The following CNTN5 variants were observed in gnomAD, a reference collection of about 807,000 sequenced individuals.
CNTN5 encodes contactin-5.
A neutral mutation model predicts 129.1 loss-of-function variants in CNTN5; 77 were observed. The observed-to-expected ratio is 0.60, with a 90% CI of 0.50 to 0.72. The LOEUF (loss-of-function observed/expected upper bound fraction) is 0.72, where lower values mean the gene tolerates loss of function less well. CNTN5 is among the 30% of genes least tolerant of loss of function. The probability of loss-of-function intolerance (pLI) is 0.00; values close to 1 mark genes in which losing one functional copy is unlikely to be tolerated. For missense variants in CNTN5, 1,478 were observed against 1,328.8 expected, an observed-to-expected ratio of 1.11 and a Z score of -1.75; for synonymous variants, 509 against 465.6, an observed-to-expected ratio of 1.09 and a Z score of -1.20.
At chr11:99,465,497 C>G (rs1430633938) in intron 2 of CNTN5, among the ~76,000 whole-genome samples, 1 of 151,852 alleles carries the variant, frequency 6.6e-6, no homozygotes, top group Non-Finnish European at 1.5e-5. Flanking sequence ...ATTATAACAT[C>G]ATTTCTAGAA....
intron 1 of CNTN5, among the ~76,000 whole-genome samples, chr11:99,316,292 T>G (rs771561558): frequency 2.0e-5 from 3 of 152,124 alleles, no homozygotes; most frequent in Non-Finnish European, 4.4e-5. Flanking sequence ...TCGAGTCCCA[T>G]CCCTCGAAAA....
chr11:99,705,062 A>T (rs535684294), intron 3 of CNTN5, among the ~76,000 whole-genome samples: 1 of 151,490 alleles, frequency 6.6e-6, no homozygotes, highest in Admixed American at 6.6e-5. Context: ...ACAACAAAAA[A>T]TTAGCTGTAT....
chr11:99,326,215 C>T (rs1865781680), intron 2 of CNTN5, among the ~76,000 whole-genome samples: 1 of 152,190 alleles, frequency 6.6e-6, no homozygotes, highest in Non-Finnish European at 1.5e-5. Context: ...TGAATTAAAT[C>T]CATTGTGTGC....
intron 2 of CNTN5, among the ~76,000 whole-genome samples, chr11:99,467,644 C>T (rs1279334469): frequency 6.6e-6 from 1 of 152,072 alleles, no homozygotes; most frequent in Non-Finnish European, 1.5e-5. Context: ...AAAAAGAGAG[C>T]CCCACAACAC....
chr11:99,611,146 T>C (rs186659974), intron 3 of CNTN5, among the ~76,000 whole-genome samples: 28 of 152,328 alleles, frequency 1.8e-4, no homozygotes, highest in African/African-American at 5.5e-4. Context: ...CATTTTCCTA[T>C]AGATGCTGCT....
intron 3 of CNTN5, among the ~76,000 whole-genome samples, chr11:99,575,843 C>T (rs1949329968): frequency 6.6e-6 from 1 of 152,116 alleles, no homozygotes; most frequent in African/African-American, 2.4e-5. Context: ...GGGAGAAGAG[C>T]ACCAGCATAA....
chr11:99,106,333 T>C (rs906598329), intron 1 of CNTN5, among the ~76,000 whole-genome samples: 20 of 152,208 alleles, frequency 1.3e-4, no homozygotes, highest in Non-Finnish European at 1.8e-4. Context: ...CTCAAACATA[T>C]GCTTAAGTAC....
intron 16 of CNTN5, chr11:100,225,094 G>C (rs972695548): frequency 1.9e-5 from 4 of 207,662 alleles, no homozygotes; most frequent in Non-Finnish European, 2.9e-5. Flanking sequence ...AATCTAAACA[G>C]TTGAGCTACT....
intron 1 of CNTN5, among the ~76,000 whole-genome samples, chr11:99,044,201 A>AAT (rs1435403759): frequency 6.6e-6 from 1 of 152,188 alleles, no homozygotes; most frequent in African/African-American, 2.4e-5. Flanking sequence ...CTGGGACAAG[A>AAT]ATATATATAG....
intron 1 of CNTN5, among the ~76,000 whole-genome samples, chr11:99,224,338 C>T (rs1860562174): frequency 6.6e-6 from 1 of 152,092 alleles, no homozygotes; most frequent in Non-Finnish European, 1.5e-5. Flanking sequence ...TTCAGCATTG[C>T]CACTACTGTT....
At chr11:99,776,006 G>T (rs1304304714) in intron 3 of CNTN5, among the ~76,000 whole-genome samples, 1 of 152,008 alleles carries the variant, frequency 6.6e-6, no homozygotes, top group African/African-American at 2.4e-5. Context: ...TCTTTTCATA[G>T]AATTTATATT....
At chr11:99,024,465 A>C (rs1184753277) in intron 1 of CNTN5, among the ~76,000 whole-genome samples, 1 of 152,104 alleles carries the variant, frequency 6.6e-6, no homozygotes, top group Non-Finnish European at 1.5e-5. Flanking sequence ...AATTATTTTG[A>C]AGTATTGAAT....
chr11:99,314,017 G>A (rs1865227908), intron 1 of CNTN5, among the ~76,000 whole-genome samples: 1 of 151,990 alleles, frequency 6.6e-6, no homozygotes, highest in Non-Finnish European at 1.5e-5. Flanking sequence ...GTTCAAACCT[G>A]AGATTTAAAC....
Position 99,960,765 on chromosome 11 carries a change from T to C in CNTN5, c.877+3756T>C, listed in dbSNP as rs77340686. 1.7e-3 allele frequency among the ~76,000 whole-genome samples: 257 copies of C among 152,006 alleles called. 2 individuals are homozygous for C. In the East Asian group the frequency reaches 0.029, roughly 17 times the overall value. ...TGAAGGCATTGGTGTGGTTAAGAAATCACGGGGAGAGAGTATGAAATGAGA... is the reference window on the plus strand; with the variant it reads ...TGAAGGCATTGGTGTGGTTAAGAAACCACGGGGAGAGAGTATGAAATGAGA... On this transcript the variant is annotated intron_variant, in intron 8 of 24. Transcript: ENST00000524871.
chr11:99,321,919 A>T (rs538303672), intron 1 of CNTN5, among the ~76,000 whole-genome samples: 1 of 152,214 alleles, frequency 6.6e-6, no homozygotes, highest in South Asian at 2.1e-4. Context: ...CTTATACTAC[A>T]ATGTGCTCAT....
chr11:99,877,955 G>A (rs1948676334), intron 6 of CNTN5, among the ~76,000 whole-genome samples: 1 of 152,176 alleles, frequency 6.6e-6, no homozygotes, highest in Non-Finnish European at 1.5e-5. Flanking sequence ...CTGTGAGAGT[G>A]CATGGTAATG....
rs545772632 is a variant in CNTN5 at position 100,081,588 on chromosome 11, G to A, written c.1580+7294G>A. ...ATGAATCCAGCAATGGGGTGAGAGA[G>A]GACATAAATCTTAGGATTTCAAGTG... On this transcript the variant is annotated intron_variant, in intron 13 of 24. Coordinates refer to ENST00000524871, the MANE Select transcript of CNTN5 (RefSeq NM_014361.4). Among the ~76,000 whole-genome samples the A allele has an allele frequency of 1.2e-4, 18 of 152,188 alleles. No individual in the cohort carries two copies. In the South Asian group the frequency reaches 3.1e-3, roughly 26 times the overall value.
At chr11:99,889,361 T>C (rs7121100) in intron 6 of CNTN5, among the ~76,000 whole-genome samples, 142,225 of 142,972 alleles carry the variant, frequency 0.99, 70,739 homozygotes, top group Non-Finnish European at 1. Flanking sequence ...TGTGTGTATA[T>C]ATATCTCTCC....
At chr11:100,297,801 T>G in intron 19 of CNTN5, 106 bp downstream of exon 19, 1 of 829,616 alleles carries the variant, frequency 1.2e-6, no homozygotes, top group Non-Finnish European at 1.9e-6. Context: ...ATTTAGAGGC[T>G]AAAAACAGTG....
Sources: gnomAD v4.1 joint callset for allele counts (sites outside exome capture counted in the v4.1 genomes callset) on GRCh38, gnomAD v4.1.1 for gene constraint, MANE v1.5 for transcripts, NCBI Gene and HGNC (gene_info 2026-07-23, HGNC 2026-07-21) for gene names.